The following PTH2R variants were observed in gnomAD, a reference collection of about 807,000 sequenced individuals.
The protein encoded by PTH2R is PTH2 receptor.
A neutral mutation model predicts 60.3 loss-of-function variants in PTH2R; 59 were observed. That is an observed-to-expected ratio of 0.98 (90% CI 0.79 to 1.22). The LOEUF is 1.22. PTH2R is among the 50% of genes most tolerant of loss of function. The pLI is 0.00. For synonymous variants in PTH2R, 256 were observed against 243.8 expected, an observed-to-expected ratio of 1.05 and a Z score of -0.47; for missense variants, 749 against 682.6, an observed-to-expected ratio of 1.10 and a Z score of -1.08.
At position 208,378,665 on chromosome 2, in the gene PTH2R, G is replaced by A. The variant is rs182970156; in HGVS notation, c.-259+18428G>A. ...GAGAAGACAGCTGTCTGTGAACCAG[G>A]AAGCAGGCCCTCACTACATACCGAA... On this transcript the variant is annotated intron_variant, in intron 1 of 12. Coordinates refer to the PTH2R transcript ENST00000617735. 3.0e-3 allele frequency among the ~76,000 whole-genome samples: 449 copies of A among 152,176 alleles called. 1 individual carries two copies. The highest frequency in any genetic ancestry group is 4.3e-3 in the Non-Finnish European group (294 of 68,008).
At chr2:208,389,117 C>T (rs1002159539) in intron 1 of PTH2R, among the ~76,000 whole-genome samples, 5 of 152,046 alleles carry the variant, frequency 3.3e-5, no homozygotes, top group South Asian at 2.1e-4. Flanking sequence ...GAGTATTACA[C>T]AGTCAAGCTA....
At chr2:208,479,061 G>C (rs775518377) in intron 9 of PTH2R, among the ~76,000 whole-genome samples, 2 of 152,154 alleles carry the variant, frequency 1.3e-5, no homozygotes, top group Non-Finnish European at 2.9e-5. Flanking sequence ...TATATGTCAT[G>C]TGTGTATTTT....
Position 208,416,734 on chromosome 2 carries a change from A to G in PTH2R, c.75+9616A>G, listed in dbSNP as rs571074229. ...CCCACCCTTAAGCTGGGTGGTCACA[A>G]TCAGCTGCCAGCATGGCTAGAATAT... On this transcript the variant is annotated intron_variant, in intron 1 of 12. Coordinates refer to ENST00000272847, the MANE Select transcript of PTH2R (RefSeq NM_005048.4). Among the ~76,000 whole-genome samples the G allele has an allele frequency of 2.2e-4, 33 of 152,320 alleles. 1 individual carries two copies. The highest frequency in any genetic ancestry group is 7.9e-4 in the African/African-American group (33 of 41,568).
intron 6 of PTH2R, among the ~76,000 whole-genome samples, 180 bp from the exon 7 acceptor site, chr2:208,444,554 T>A (rs1702249770): frequency 6.6e-6 from 1 of 152,194 alleles, no homozygotes; most frequent in African/African-American, 2.4e-5. Context: ...AAGTTCATAG[T>A]CTTGAAAAAT....
intron 1 of PTH2R, among the ~76,000 whole-genome samples, chr2:208,414,236 G>C (rs918439748): frequency 1.1e-4 from 16 of 152,202 alleles, no homozygotes; most frequent in Non-Finnish European, 1.8e-4. Context: ...AAGGGAGCTA[G>C]AACTTAAAAT....
At chr2:208,456,493 A>G (rs928048982) in intron 8 of PTH2R, among the ~76,000 whole-genome samples, 1 of 152,198 alleles carries the variant, frequency 6.6e-6, no homozygotes, top group African/African-American at 2.4e-5. Context: ...GGGGGCTGCA[A>G]AGGACCAAGA....
At chr2:208,369,370 C>CT (rs1035656784) in intron 1 of PTH2R, among the ~76,000 whole-genome samples, 2 of 148,376 alleles carry the variant, frequency 1.3e-5, no homozygotes, top group African/African-American at 5.1e-5. Context: ...GTCTCTCTCT[C>CT]TTTTTTTTTT....
intron 1 of PTH2R, among the ~76,000 whole-genome samples, chr2:208,416,072 T>C (rs1701634791): frequency 6.6e-6 from 1 of 152,228 alleles, no homozygotes; most frequent in Non-Finnish European, 1.5e-5. Flanking sequence ...GTAACATTTG[T>C]TACTGATATT....
intron 2 of PTH2R, among the ~76,000 whole-genome samples, chr2:208,433,347 T>G (rs1702011089): frequency 6.6e-6 from 1 of 152,220 alleles, no homozygotes; most frequent in South Asian, 2.1e-4. Flanking sequence ...ATATATAAAT[T>G]GACTCAAGTG....
intron 7 of PTH2R, among the ~76,000 whole-genome samples, chr2:208,448,911 A>C (rs957624876): frequency 1.2e-4 from 19 of 152,062 alleles, no homozygotes; most frequent in Admixed American, 3.9e-4. Context: ...GAAGGTGAGA[A>C]AAGCAATTCT....
At chr2:208,417,397 G>C (rs981757002) in intron 1 of PTH2R, among the ~76,000 whole-genome samples, 1 of 152,038 alleles carries the variant, frequency 6.6e-6, no homozygotes, top group Non-Finnish European at 1.5e-5. Context: ...TCTCTTGGAG[G>C]CAATCTAGTT....
At chr2:208,405,994 C>A (rs559255090), upstream of PTH2R, among the ~76,000 whole-genome samples, 1 of 152,260 alleles carries the variant, frequency 6.6e-6, no homozygotes, top group Middle Eastern at 3.4e-3. Flanking sequence ...TATAAGCCAC[C>A]CAGTTTATGG....
chr2:208,371,254 G>A (rs1057355729), intron 1 of PTH2R, among the ~76,000 whole-genome samples: 2 of 152,084 alleles, frequency 1.3e-5, no homozygotes, highest in Non-Finnish European at 2.9e-5. Context: ...ACAAACAATC[G>A]CTGCGGAAAG....
intron 1 of PTH2R, among the ~76,000 whole-genome samples, chr2:208,392,680 GT>G (rs1379423405): frequency 6.6e-6 from 1 of 152,176 alleles, no homozygotes; most frequent in Non-Finnish European, 1.5e-5. Flanking sequence ...TCAGGTTAGA[GT>G]TTTTCCTGAG....
At chr2:208,382,771 G>A (rs1190918499) in intron 1 of PTH2R, among the ~76,000 whole-genome samples, 1 of 152,140 alleles carries the variant, frequency 6.6e-6, no homozygotes, top group Admixed American at 6.5e-5. Flanking sequence ...GGACTCCTGC[G>A]TGTCTGTCTC....
intron 9 of PTH2R, among the ~76,000 whole-genome samples, chr2:208,464,387 C>T (rs902949219): frequency 2.6e-5 from 4 of 152,146 alleles, no homozygotes; most frequent in African/African-American, 9.7e-5. Context: ...AAGTTAGCAC[C>T]CCTGTGGTGA....
chr2:208,402,371 T>C (rs1303078375), upstream of PTH2R, among the ~76,000 whole-genome samples: 1 of 152,230 alleles, frequency 6.6e-6, no homozygotes, highest in African/African-American at 2.4e-5. Context: ...ATAAATTCTT[T>C]AGGAGAAAAC....
chr2:208,371,386 G>A (rs1027353241), intron 1 of PTH2R, among the ~76,000 whole-genome samples: 5 of 152,086 alleles, frequency 3.3e-5, no homozygotes, highest in African/African-American at 1.2e-4. Flanking sequence ...AAATAAAGTT[G>A]TGTAAATGAG....
intron 1 of PTH2R, among the ~76,000 whole-genome samples, chr2:208,391,822 C>T (rs920092039): frequency 6.6e-6 from 1 of 152,158 alleles, no homozygotes; most frequent in East Asian, 1.9e-4. Context: ...AGAGCTGGGC[C>T]TTGGGTTTTG....
Sources: allele counts gnomAD v4.1 joint callset (sites outside exome capture counted in the v4.1 genomes callset), GRCh38; gene constraint gnomAD v4.1.1; transcripts MANE v1.5; gene names NCBI Gene and HGNC (gene_info 2026-07-23, HGNC 2026-07-21).